PDE4DIP: variants seen among roughly 807,000 people sequenced by gnomAD.
PDE4DIP encodes the protein myomegalin.
PDE4DIP carries 59 observed loss-of-function variants against 221.4 expected under a neutral mutation model. The ratio of observed to expected loss-of-function variants is 0.27; its 90% confidence interval spans 0.22 to 0.33. The LOEUF (loss-of-function observed/expected upper bound fraction) is 0.33, where lower values mean the gene tolerates loss of function less well. Among genes scored for constraint, PDE4DIP ranks in the 10% least tolerant of loss-of-function variants. PDE4DIP has a pLI of 1.00. For synonymous variants in PDE4DIP, 404 were observed against 815.9 expected (o/e 0.50, Z 8.60); for missense variants, 1,036 against 2,154.2 (o/e 0.48, Z 10.28).
chr1:148,944,761 C>T (rs1423615189), intron 5 of PDE4DIP, among the ~76,000 whole-genome samples: 61 of 151,964 alleles, frequency 4.0e-4, no homozygotes, highest in African/African-American at 1.4e-3. Flanking sequence ...ATCCCAGCTA[C>T]TGGGGAGGCT....
intron 5 of PDE4DIP, chr1:148,942,415 T>A (rs1167499536): frequency 6.6e-6 from 1 of 152,074 alleles, no homozygotes; most frequent in African/African-American, 2.4e-5. Context: ...CGTCTATAAT[T>A]AACTTCTTGT....
Position 149,009,633 on chromosome 1 carries a change from G to A in PDE4DIP, c.4769G>A (p.Arg1590Gln), listed in dbSNP as rs112593076. 3.4e-3 allele frequency: 5,503 copies of A among 1,613,840 alleles called. 42 individuals carry two copies. In the African/African-American group the frequency reaches 0.062, roughly 18 times the overall value. Residue 1590 changes from arginine to glutamine, a missense_variant, in exon 30 of 44, where the codon CGG becomes CAG. Physicochemically the swap from Arg to Gln is conservative, Grantham distance 43 (BLOSUM62 1). Coordinates refer to ENST00000369354, the Ensembl canonical transcript of PDE4DIP. ...GTCCTGCAGGCCAAGCTGGATGCTC[G>A]GTCCCTCACACCCTCCAGCAGCCAT...
rs1270113668 is a variant in PDE4DIP, at chr1:148,979,847, GA to G, written c.2686del (p.Ser896AlafsTer22). On this transcript the variant is annotated frameshift_variant and splice_region_variant, in exon 20 of 44. Transcript: ENST00000369354. LOFTEE classifies it high-confidence loss of function. Reference sequence around the variant, plus strand: ...TGGTGAAGTTCCATGCCCATCCAGAGAGGTAAGAGAGAGGCTGTTTTTTCTT... The same window carrying G: ...TGGTGAAGTTCCATGCCCATCCAGAGGGTAAGAGAGAGGCTGTTTTTTCTT... The G allele has an allele frequency of 1.2e-6, 2 of 1,612,200 alleles. No individual in the cohort carries two copies. Among genetic ancestry groups the G allele is most frequent in the African/African-American group, 2.7e-5 (2 of 74,878 alleles).
At chr1:148,820,521 C>G (rs1446476707) in intron 1 of PDE4DIP, among the ~76,000 whole-genome samples, 1 of 139,702 alleles carries the variant, frequency 7.2e-6, no homozygotes, top group Admixed American at 7.2e-5. Context: ...TGAGCCAGAT[C>G]GCGCCACTGC....
chr1:148,916,273 TG>T (rs1351924239), intron 1 of PDE4DIP, among the ~76,000 whole-genome samples: 1 of 106,174 alleles, frequency 9.4e-6, no homozygotes, highest in Non-Finnish European at 1.9e-5. Flanking sequence ...AGTTAGTCTT[TG>T]AACTCCTGTG....
At chr1:148,820,169 C>T (rs1295151218) in intron 1 of PDE4DIP, among the ~76,000 whole-genome samples, 6 of 83,186 alleles carry the variant, frequency 7.2e-5, no homozygotes, top group East Asian at 4.2e-4. Context: ...CCTCATGATC[C>T]GCCCGCCTCG....
chr1:148,937,711 A>T (rs145268439), intron 4 of PDE4DIP, 36 bp from the exon 8 acceptor site: 532 of 1,129,702 alleles, frequency 4.7e-4, no homozygotes, highest in Middle Eastern at 2.3e-3. Flanking sequence ...TAGTATCATG[A>T]TCATAATTAC....
chr1:149,012,462 AGAT>A (rs2068856200), intron 31 of PDE4DIP, 126 bp from the exon 35 acceptor site: 1 of 583,986 alleles, frequency 1.7e-6, no homozygotes, highest in South Asian at 2.1e-5. Context: ...GTACCACACT[AGAT>A]GATAGCCACT....
At chr1:149,014,388 A>G (rs1553608715) in intron 32 of PDE4DIP, among the ~76,000 whole-genome samples, 1 of 20,990 alleles carries the variant, frequency 4.8e-5, no homozygotes, top group Non-Finnish European at 1.0e-4. Context: ...TCTGACCTAA[A>G]ACTTGTTATT....
intron 21 of PDE4DIP, chr1:148,985,072 CT>C (rs2061684996): frequency 4.6e-5 from 7 of 152,144 alleles, no homozygotes; most frequent in African/African-American, 1.7e-4. Context: ...TCCATTTTAC[CT>C]TGTAGAAATT....
chr1:148,934,786 T>C (rs2048831128), intron 4 of PDE4DIP, among the ~76,000 whole-genome samples: 1 of 151,944 alleles, frequency 6.6e-6, no homozygotes, highest in Admixed American at 6.5e-5. Context: ...GTATTTTTAG[T>C]AGAGACAGGG....
chr1:148,973,199 T>A (rs1553532717), intron 16 of PDE4DIP, among the ~76,000 whole-genome samples: 1 of 147,328 alleles, frequency 6.8e-6, no homozygotes, highest in African/African-American at 2.5e-5. Context: ...TGAGACGGAG[T>A]CTCGCTCTGT....
chr1:148,864,373 A>G (rs1293057859), intron 2 of PDE4DIP, among the ~76,000 whole-genome samples: 2 of 141,192 alleles, frequency 1.4e-5, no homozygotes, highest in East Asian at 4.0e-4. Flanking sequence ...TATCTTATCT[A>G]TTGTTACTAT....
chr1:148,820,555 CAAAAAAAAAAAAAAAA>C (rs148261220), intron 1 of PDE4DIP, among the ~76,000 whole-genome samples: 2 of 39,374 alleles, frequency 5.1e-5, no homozygotes, highest in African/African-American at 9.0e-5. Context: ...AACTCCATCT[CAAAAAAAAAAAAAAAA>C]AAAAAAAAAG....
chr1:148,954,878 AT>A (rs1279428031), intron 5 of PDE4DIP, among the ~76,000 whole-genome samples: 9 of 152,342 alleles, frequency 5.9e-5, no homozygotes, highest in African/African-American at 2.2e-4. Flanking sequence ...TCTAGAAGGC[AT>A]TTTTTAGAAA....
At chr1:148,840,214 G>T (rs1323393527) in intron 1 of PDE4DIP, among the ~76,000 whole-genome samples, 4 of 106,166 alleles carry the variant, frequency 3.8e-5, no homozygotes, top group African/African-American at 1.1e-4. Context: ...ATCAATTCAG[G>T]TATTCCCTGA....
exon 32 of PDE4DIP, chr1:149,012,592 C>T (rs781851781): frequency 1.9e-6 from 3 of 1,583,958 alleles, no homozygotes; most frequent in Non-Finnish European, 2.6e-6. Flanking sequence ...TTTTCCTAGG[C>T]TTTCATTTTC....
chr1:149,029,078 G>T (rs2075988755), intron 41 of PDE4DIP, among the ~76,000 whole-genome samples: 1 of 152,278 alleles, frequency 6.6e-6, no homozygotes, highest in East Asian at 1.9e-4. Context: ...CCACCCCTCA[G>T]GTCCCATGGT....
chr1:148,953,236 C>T (rs148703252), intron 5 of PDE4DIP: 16 of 1,611,992 alleles, frequency 9.9e-6, no homozygotes, highest in Non-Finnish European at 1.4e-5. Context: ...AGGAGCCACA[C>T]AGCTGCCATG....
Sources: gnomAD v4.1 joint callset for allele counts (sites outside exome capture counted in the v4.1 genomes callset) on GRCh38, gnomAD v4.1.1 for gene constraint, MANE v1.5 for transcripts, NCBI Gene and HGNC (gene_info 2026-07-23, HGNC 2026-07-21) for gene names.